The following ERN2 variants were observed in gnomAD, a reference collection of about 807,000 sequenced individuals.
The protein encoded by ERN2 is endoplasmic reticulum to nucleus signaling 2.
Under a neutral mutation model 107.9 loss-of-function variants are expected in ERN2, and 111 were observed. The ratio of observed to expected loss-of-function variants is 1.03; its 90% confidence interval spans 0.88 to 1.20. The LOEUF (loss-of-function observed/expected upper bound fraction) is 1.20, where lower values mean the gene tolerates loss of function less well. Ranked by LOEUF, ERN2 falls within the 50% of genes most tolerant of loss-of-function variation. The pLI, the probability that ERN2 is intolerant of heterozygous loss-of-function variation, is 0.00. For missense variants in ERN2, 1,225 were observed against 1,197.9 expected (o/e 1.02, Z -0.33); for synonymous variants, 524 against 501.7 (o/e 1.04, Z -0.59).
At position 23,708,905 on chromosome 16, in the gene ERN2, AT is replaced by A. The variant is rs201198326; in HGVS notation, c.306+1266del. ...TCTTATAAATTACCCAGTCTGAGGTATTTTTTTATTATAACAATGCAAGAAT... is the reference window on the plus strand; with the variant it reads ...TCTTATAAATTACCCAGTCTGAGGTATTTTTTATTATAACAATGCAAGAAT... On this transcript the variant is annotated intron_variant, in intron 4 of 21. Transcript: ENST00000256797. Among the ~76,000 whole-genome samples the A allele has an allele frequency of 3.3e-5, 5 of 152,236 alleles. No homozygotes were observed. In the East Asian group the frequency reaches 9.6e-4, roughly 29 times the overall value.
rs767205766 is a variant in ERN2, at chr16:23,702,214, C to G, written c.1141G>C (p.Gly381Arg). ...TTMLRVHPTL[G>R]SGTAETRPPE... ...GGTCTTGTCTCTGCAGTTCCACTCC[C>G]CAGGGTGGGATGGACCCTCAGCATG... Residue 381 changes from glycine to arginine, a missense_variant, in exon 11 of 22, where the codon GGG becomes CGG. Gly to Arg is a moderately radical substitution (Grantham distance 125). Transcript: ENST00000256797. 3 of 1,614,146 alleles carry G rather than the reference C, an allele frequency of 1.9e-6. No individual in the cohort carries two copies. Among genetic ancestry groups the G allele is most frequent in the Non-Finnish European group, 2.5e-6 (3 of 1,180,012 alleles).
chr16:23,706,223 G>A (rs1960300218), intron 7 of ERN2, 107 bp downstream of exon 7: 1 of 736,246 alleles, frequency 1.4e-6, no homozygotes. Context: ...TCCCTGGGGA[G>A]GTCAAGTGGG....
At chr16:23,699,096 C>A (rs1959942453) in intron 13 of ERN2, among the ~76,000 whole-genome samples, 1 of 152,070 alleles carries the variant, frequency 6.6e-6, no homozygotes, top group South Asian at 2.1e-4. Flanking sequence ...TACTTGGACC[C>A]ACCCAGGGCC....
In ERN2 at chr16:23,700,927, A is replaced by C. The variant is rs771351580; in HGVS notation, c.1359+32T>G. The C allele has an allele frequency of 4.4e-6, 7 of 1,604,584 alleles. No homozygotes were observed. The East Asian group carries it at 1.6e-4, about 36-fold the overall frequency. ...AGAGAGGAGAAGCAGCGTTCTCCCC[A>C]GATAGACCTGAGGTCAGGGCGGTGG... On this transcript the variant is annotated intron_variant, in intron 12 of 21. Transcript: ENST00000256797.
In ERN2 at chr16:23,695,018, C is replaced by T; in HGVS notation, c.1900+1G>A. ...GCGGGAGGCAGGGGAAGTGCGGGTA[C>T]CTATGTGTAAAGAGTGCAGGTGGGC... is the stretch of plus-strand genomic sequence containing the variant. On this transcript the variant is annotated splice_donor_variant, in intron 16 of 21. Coordinates refer to ENST00000256797, the MANE Select transcript of ERN2 (RefSeq NM_033266.4). LOFTEE classifies it high-confidence loss of function. The T allele has an allele frequency of 6.2e-7, 1 of 1,613,148 alleles. No individual in the cohort carries two copies. The highest frequency in any genetic ancestry group is 8.5e-7 in the Non-Finnish European group (1 of 1,179,512).
chr16:23,700,647 CAA>C lies in ERN2; in HGVS notation c.1415_1416del (p.Phe472CysfsTer36). 1.2e-6 allele frequency: 2 copies of C among 1,614,156 alleles called. No individual in the cohort carries two copies. Among genetic ancestry groups the C allele is most frequent in the Non-Finnish European group, 1.7e-6 (2 of 1,180,010 alleles). ...QQETPLAPAD[F>X]AHISQDAQSL... is the part of the protein sequence containing the mutation. ...GACTGGGCATCCTGGGAGATGTGAG[CAA>C]AGTCTGCAGGTGCCAGGGGGGTCTC... On this transcript the variant is annotated frameshift_variant, in exon 13 of 22. Coordinates refer to ENST00000256797, the MANE Select transcript of ERN2 (RefSeq NM_033266.4). LOFTEE classifies it high-confidence loss of function.
intron 13 of ERN2, among the ~76,000 whole-genome samples, chr16:23,699,240 T>G (rs1959949930): frequency 6.6e-6 from 1 of 152,118 alleles, no homozygotes; most frequent in Non-Finnish European, 1.5e-5. Flanking sequence ...AGGCGGACAT[T>G]GCGAACAGCA....
At chr16:23,694,570 A>G (rs1288862110) in intron 17 of ERN2, among the ~76,000 whole-genome samples, 158 bp downstream of exon 17, 2 of 152,182 alleles carry the variant, frequency 1.3e-5, no homozygotes, top group East Asian at 1.9e-4. Flanking sequence ...AGAAGGAGGG[A>G]CAAATTATCC....
chr16:23,710,348 G>T (rs1459251462), intron 3 of ERN2, 104 bp from the exon 4 acceptor site: 14 of 1,226,874 alleles, frequency 1.1e-5, no homozygotes, highest in Non-Finnish European at 1.7e-5. Flanking sequence ...GCCTGTTCTT[G>T]TAGGAAACAT....
Position 23,710,176 on chromosome 16 carries a change from A to C in ERN2, c.302T>G (p.Leu101Ter), listed in dbSNP as rs1960482548. The stretch of plus-strand genomic sequence containing the variant: ...CGAACACCATGGGATACAAACCATT[A>C]ATCCCTGTTGTTTTTGGGTCCCCAA... ...YILGTQKQQGLMKLPFTIPEL... is the reference protein window; with the variant it reads ...YILGTQKQQG Residue 101 changes from leucine to a stop codon, truncating the protein, a stop_gained, in exon 4 of 22, where the codon TTA becomes TGA. Coordinates refer to ENST00000256797, the MANE Select transcript of ERN2 (RefSeq NM_033266.4). LOFTEE classifies it high-confidence loss of function. 6.2e-7 allele frequency: 1 copy of C among 1,610,660 alleles called. No homozygotes were observed. Among genetic ancestry groups the C allele is most frequent in the African/African-American group, 1.3e-5 (1 of 74,840 alleles).
At chr16:23,705,565 G>A (rs1960271239) in intron 7 of ERN2, among the ~76,000 whole-genome samples, 1 of 152,004 alleles carries the variant, frequency 6.6e-6, no homozygotes, top group East Asian at 1.9e-4. Context: ...CAGGGCTTGA[G>A]GGGGCCTTGG....
At chr16:23,692,463 G>C in intron 17 of ERN2, 132 bp from the exon 18 acceptor site, 9 of 878,252 alleles carry the variant, frequency 1.0e-5, no homozygotes, top group Non-Finnish European at 1.6e-5. Flanking sequence ...TTCCTGGGCA[G>C]CATCTCCTTG....
chr16:23,692,848 T>C (rs1000585683), intron 17 of ERN2, among the ~76,000 whole-genome samples: 4 of 151,846 alleles, frequency 2.6e-5, no homozygotes, highest in African/African-American at 9.7e-5. Flanking sequence ...TCGGCCTGAG[T>C]AGGTGGGACT....
chr16:23,704,978 C>A lies in ERN2; in HGVS notation c.759G>T (p.Leu253=). The A allele has an allele frequency of 6.2e-7, 1 of 1,613,972 alleles. No individual in the cohort carries two copies. The highest frequency in any genetic ancestry group is 8.5e-7 in the Non-Finnish European group (1 of 1,180,014). The change falls in exon 8 of 22, where the codon CTG becomes CTT. Residue 253 remains leucine, a synonymous_variant. Coordinates refer to ENST00000256797, the MANE Select transcript of ERN2 (RefSeq NM_033266.4). ...GGCCCCAGCGGAGGGCGAGGAAATG[C>A]AGAGTGTCTCGAGCCAGCGTGAGAT... ...LPHLTLARDT[L]HFLALRWGHI...
chr16:23,691,298 C>G lies in ERN2; in HGVS notation c.2500+4G>C, dbSNP rs377541578. On this transcript the variant is annotated splice_donor_region_variant and intron_variant, in intron 20 of 21. Transcript: ENST00000256797. ...GCCCAGGCCCACCTGAGTATGGCCTCTACCTGTCTGCAGCGGCATGGAGAT... is the reference window on the plus strand; with the variant it reads ...GCCCAGGCCCACCTGAGTATGGCCTGTACCTGTCTGCAGCGGCATGGAGAT... The G allele has an allele frequency of 1.0e-3, 1,611 of 1,612,086 alleles. 29 individuals carry two copies. In the South Asian group the frequency reaches 0.017, roughly 17 times the overall value.
chr16:23,700,465 AC>A, intron 13 of ERN2, 73 bp downstream of exon 13: 1 of 1,484,608 alleles, frequency 6.7e-7, no homozygotes, highest in Non-Finnish European at 9.1e-7. Context: ...CTTTTAATAA[AC>A]CAGCTTTGCA....
rs1597143447 is a variant in ERN2, at chr16:23,695,207, A to T, written c.1793T>A (p.Leu598Ter). 6.2e-7 allele frequency: 1 copy of T among 1,613,924 alleles called. No homozygotes were observed. Among genetic ancestry groups the T allele is most frequent in the East Asian group, 2.2e-5 (1 of 44,872 alleles). ...YIALELCRAS[L>*]QEYVENPDLD... ...AACCGCAATGCAACTCACCTCCTGC[A>T]AGGAGGCCCGGCAGAGCTCCAGGGC... The change falls in exon 15 of 22, where the codon TTG (leucine) becomes TAG (stop). Residue 598 changes from leucine to a stop codon, truncating the protein, a stop_gained. Coordinates refer to ENST00000256797, the MANE Select transcript of ERN2 (RefSeq NM_033266.4). LOFTEE classifies it high-confidence loss of function.
rs760327252 is a variant in ERN2, at chr16:23,713,078, C to G, written c.93+17G>C. ...CGACCAGACTTTGGGGACTTGGCGT[C>G]GGTCCCTGGCTCTCACCTGTGGACT... On this transcript the variant is annotated intron_variant, in intron 1 of 21. Coordinates refer to ENST00000256797, the MANE Select transcript of ERN2 (RefSeq NM_033266.4). 6.6e-7 allele frequency: 1 copy of G among 1,514,100 alleles called. No homozygotes were observed. The highest frequency in any genetic ancestry group is 8.8e-7 in the Non-Finnish European group (1 of 1,135,680). The allele number at this position is 1,514,100 out of a possible 1,614,324, so 93.8% of individuals were successfully genotyped here.
chr16:23,705,198 G>A (rs770902439), intron 7 of ERN2, 51 bp from the exon 8 acceptor site: 1 of 1,586,424 alleles, frequency 6.3e-7, no homozygotes, highest in Non-Finnish European at 8.6e-7. Context: ...TCCTAAGAGG[G>A]TCCAAGGGTG....
Sources: gnomAD v4.1 joint callset for allele counts (sites outside exome capture counted in the v4.1 genomes callset) on GRCh38, gnomAD v4.1.1 for gene constraint, MANE v1.5 for transcripts, NCBI Gene and HGNC (gene_info 2026-07-23, HGNC 2026-07-21) for gene names.